Variants in SDK1 observed in about 807,000 individuals in gnomAD.
SDK1 encodes the protein sidekick cell adhesion molecule 1, also known as protein sidekick-1.
Under a neutral mutation model 245.5 loss-of-function variants are expected in SDK1, and 157 were observed. The observed-to-expected ratio is 0.64, with a 90% CI of 0.56 to 0.73. The LOEUF (loss-of-function observed/expected upper bound fraction) is 0.73. Among genes scored for constraint, SDK1 ranks in the 30% least tolerant of loss-of-function variants. The probability of loss-of-function intolerance (pLI) is 0.00; values close to 1 mark genes in which losing one functional copy is unlikely to be tolerated. For synonymous variants in SDK1, 1,647 were observed against 1,278.5 expected (o/e 1.29, Z -6.15); for missense variants, 3,583 against 3,002.3 (o/e 1.19, Z -4.52).
intron 4 of SDK1, among the ~76,000 whole-genome samples, chr7:3,768,434 A>G (rs1398699607): frequency 6.6e-6 from 1 of 152,236 alleles, no homozygotes; most frequent in Non-Finnish European, 1.5e-5. Context: ...AATAAAAATC[A>G]GTAACTTCAA....
chr7:3,574,004 C>G (rs1780203795), intron 1 of SDK1, among the ~76,000 whole-genome samples: 1 of 152,078 alleles, frequency 6.6e-6, no homozygotes, highest in Non-Finnish European at 1.5e-5. Context: ...TGTGAAGCTA[C>G]TGTTTTCACT....
At chr7:3,580,969 A>AAAT in intron 1 of SDK1, among the ~76,000 whole-genome samples, 1 of 78,022 alleles carries the variant, frequency 1.3e-5, no homozygotes, top group Non-Finnish European at 2.5e-5. Flanking sequence ...ACTCCATCTC[A>AAAT]AAAAAAAAAA....
rs559367488 is a variant in SDK1 at position 3,720,896 on chromosome 7, C to T, written c.713+78791C>T. ...AAAACACAGTGTAGTACTTCCATTC[C>T]ATCACACATCGCTCATAATAAGAAG... is the stretch of plus-strand genomic sequence containing the variant. On this transcript the variant is annotated intron_variant, in intron 4 of 44. Coordinates refer to ENST00000404826, the MANE Select transcript of SDK1 (RefSeq NM_152744.4). 6.6e-5 allele frequency among the ~76,000 whole-genome samples: 10 copies of T among 152,316 alleles called. No homozygotes were observed. In the South Asian group the frequency reaches 2.1e-3, roughly 32 times the overall value.
At chr7:3,600,327 G>C (rs1255702105) in intron 1 of SDK1, among the ~76,000 whole-genome samples, 2 of 152,102 alleles carry the variant, frequency 1.3e-5, no homozygotes, top group African/African-American at 2.4e-5. Context: ...TGAGTGTTTA[G>C]CTTCTTTGGG....
chr7:4,210,205 G>C (rs894880370), intron 38 of SDK1, 43 bp downstream of exon 38: 5 of 1,480,954 alleles, frequency 3.4e-6, no homozygotes, highest in South Asian at 1.4e-5. Context: ...GGCCACACCA[G>C]TGCCCAGCCC....
intron 40 of SDK1, among the ~76,000 whole-genome samples, chr7:4,225,936 A>G (rs935337199): frequency 1.4e-5 from 2 of 146,752 alleles, no homozygotes; most frequent in African/African-American, 4.9e-5. Flanking sequence ...AGGGAACCCA[A>G]GCAGGCCGCG....
chr7:3,339,455 A>G (rs545567080), intron 1 of SDK1, among the ~76,000 whole-genome samples: 3 of 152,322 alleles, frequency 2.0e-5, no homozygotes, highest in Admixed American at 2.0e-4. Context: ...TGACATTTAG[A>G]ACAATTTACC....
At chr7:4,113,254 T>G in intron 23 of SDK1, 35 bp from the exon 24 acceptor site, 1 of 1,600,702 alleles carries the variant, frequency 6.2e-7, no homozygotes, top group South Asian at 1.1e-5. Flanking sequence ...TTACCTTTGC[T>G]TTGCCGTGAC....
At chr7:3,635,649 C>G (rs1264327070) in intron 2 of SDK1, among the ~76,000 whole-genome samples, 1 of 152,032 alleles carries the variant, frequency 6.6e-6, no homozygotes, top group Non-Finnish European at 1.5e-5. Context: ...TAAAGTGTAC[C>G]GTCACTCTGT....
intron 22 of SDK1, among the ~76,000 whole-genome samples, chr7:4,102,674 T>C (rs1208589256): frequency 6.6e-6 from 1 of 152,202 alleles, no homozygotes; most frequent in Non-Finnish European, 1.5e-5. Flanking sequence ...TTCCTGGTCC[T>C]GCCCTGCCCA....
intron 14 of SDK1, among the ~76,000 whole-genome samples, chr7:3,991,013 A>G (rs753693094): frequency 2.6e-5 from 4 of 152,260 alleles, no homozygotes; most frequent in Non-Finnish European, 4.4e-5. Flanking sequence ...TGCTGGGTGC[A>G]GAGCTGACGT....
intron 4 of SDK1, among the ~76,000 whole-genome samples, chr7:3,768,472 T>G (rs923466305): frequency 5.3e-5 from 8 of 152,194 alleles, no homozygotes; most frequent in Admixed American, 4.6e-4. Context: ...AGACAAGTCT[T>G]TATTATTAAG....
intron 19 of SDK1, among the ~76,000 whole-genome samples, chr7:4,053,450 C>G (rs1187053942): frequency 6.6e-6 from 1 of 152,130 alleles, no homozygotes; most frequent in African/African-American, 2.4e-5. Flanking sequence ...CTTCATGGCG[C>G]TATTACTTCT....
At chr7:3,610,428 A>T (rs192527537) in intron 1 of SDK1, among the ~76,000 whole-genome samples, 2 of 152,244 alleles carry the variant, frequency 1.3e-5, no homozygotes, top group African/African-American at 4.8e-5. Context: ...TTGGTTGGTC[A>T]TACTTTTTCA....
intron 1 of SDK1, among the ~76,000 whole-genome samples, chr7:3,591,210 A>G (rs1033178690): frequency 2.0e-5 from 3 of 152,110 alleles, no homozygotes; most frequent in African/African-American, 7.2e-5. Flanking sequence ...TAATGTTTTT[A>G]TGTGTCAGAT....
chr7:4,231,408 A>G (rs896570009), intron 40 of SDK1, among the ~76,000 whole-genome samples: 1 of 152,002 alleles, frequency 6.6e-6, no homozygotes, highest in African/African-American at 2.4e-5. Context: ...TACAAAAAAA[A>G]AAAAAAATTA....
At chr7:3,638,550 C>T (rs913825474) in intron 2 of SDK1, among the ~76,000 whole-genome samples, 10 of 147,436 alleles carry the variant, frequency 6.8e-5, no homozygotes, top group South Asian at 2.2e-4. Context: ...AACCAAACAC[C>T]GCATGTTCTC....
intron 1 of SDK1, among the ~76,000 whole-genome samples, chr7:3,418,863 C>T (rs1779457311): frequency 6.6e-6 from 1 of 152,148 alleles, no homozygotes; most frequent in African/African-American, 2.4e-5. Context: ...CGCCTATGGT[C>T]AAATCTGCAC....
At chr7:3,304,986 T>C (rs189625579) in intron 1 of SDK1, among the ~76,000 whole-genome samples, 1 of 152,272 alleles carries the variant, frequency 6.6e-6, no homozygotes, top group Non-Finnish European at 1.5e-5. Context: ...GCTCTAATGG[T>C]TTTACGTGAG....
Sources: gnomAD v4.1 joint callset for allele counts (sites outside exome capture counted in the v4.1 genomes callset) on GRCh38, gnomAD v4.1.1 for gene constraint, MANE v1.5 for transcripts, NCBI Gene and HGNC (gene_info 2026-07-23, HGNC 2026-07-21) for gene names.